Variants in DDX43 observed in about 807,000 individuals in gnomAD.
DDX43 encodes DEAD-box helicase 43.
DDX43 carries 50 observed loss-of-function variants against 84.9 expected under a neutral mutation model. That is an observed-to-expected ratio of 0.59 (90% CI 0.47 to 0.75). DDX43 has a LOEUF of 0.75. Ranked by LOEUF, DDX43 falls within the 30% of genes least tolerant of loss-of-function variation. The probability of loss-of-function intolerance (pLI) is 0.00; values close to 1 mark genes in which losing one functional copy is unlikely to be tolerated. For missense variants in DDX43, 689 were observed against 798.6 expected (o/e 0.86, Z 1.65); for synonymous variants, 291 against 266.3 (o/e 1.09, Z -0.90).
chr6:73,406,138 C>G (rs1384155085), intron 6 of DDX43, among the ~76,000 whole-genome samples: 4 of 152,026 alleles, frequency 2.6e-5, no homozygotes, highest in African/African-American at 9.7e-5. Flanking sequence ...AGTCTCCTGC[C>G]TCAGCCTCCC....
At chr6:73,400,415 G>C (rs753598699) in intron 3 of DDX43, 52 bp downstream of exon 3, 1 of 1,522,712 alleles carries the variant, frequency 6.6e-7, no homozygotes, top group Non-Finnish European at 8.8e-7. Context: ...ATTTCATTCA[G>C]TGTTATAAGC....
chr6:73,413,868 G>C lies in DDX43; in HGVS notation c.1496+83G>C, dbSNP rs912892265. 9 of 1,531,186 alleles carry C rather than the reference G, an allele frequency of 5.9e-6. No homozygotes were observed. In the African/African-American group the frequency reaches 1.2e-4, roughly 21 times the overall value. The allele number at this position is 1,531,186 out of a possible 1,614,324, so 94.8% of individuals were successfully genotyped here. On this transcript the variant is annotated intron_variant, in intron 12 of 16. Transcript: ENST00000370336. ...TATTTGTATACTAATTCCAAATGGG[G>C]GTGATAAGTCTGTTATGTTACTTTA...
In DDX43 at chr6:73,413,951, A is replaced by G. The variant is rs369931476; in HGVS notation, c.1497-19A>G. The G allele has an allele frequency of 3.2e-6, 5 of 1,575,884 alleles. No homozygotes were observed. Among genetic ancestry groups the G allele is most frequent in the Non-Finnish European group, 4.4e-6 (5 of 1,147,756 alleles). On this transcript the variant is annotated intron_variant, in intron 12 of 16. Transcript: ENST00000370336. ...TTAGAATAAGCACCTAAGAATGCTG[A>G]GTTTATCTTTTGCTTCAGTGCGGAT...
At chr6:73,406,503 TTTC>T in intron 7 of DDX43, 21 bp downstream of exon 7, 2 of 1,460,920 alleles carry the variant, frequency 1.4e-6, no homozygotes, top group Admixed American at 1.7e-5. Context: ...CTATGGCTGG[TTTC>T]TTCTTATAGA....
intron 10 of DDX43, among the ~76,000 whole-genome samples, chr6:73,410,360 C>T (rs1255228565): frequency 2.0e-5 from 3 of 152,044 alleles, no homozygotes; most frequent in East Asian, 1.9e-4. Flanking sequence ...GATGGGGTTT[C>T]GCCATGTTGG....
intron 2 of DDX43, chr6:73,398,019 C>T: frequency 4.2e-6 from 1 of 236,388 alleles, no homozygotes. Flanking sequence ...ACCGTGTTGG[C>T]CAGGCTGCTC....
chr6:73,399,626 A>G (rs1227934929), intron 2 of DDX43, among the ~76,000 whole-genome samples: 1 of 152,228 alleles, frequency 6.6e-6, no homozygotes, highest in East Asian at 1.9e-4. Flanking sequence ...AATTTGGTGT[A>G]TAGTATTTTC....
In DDX43 at chr6:73,404,837, G is replaced by A. The variant is rs555723947; in HGVS notation, c.650+66G>A. ...GTTACGTTATTGGTATTAACACTTC[G>A]GGCAAATGTGAAATGATATTTGAAG... On this transcript the variant is annotated intron_variant, in intron 5 of 16. Coordinates refer to ENST00000370336, the MANE Select transcript of DDX43 (RefSeq NM_018665.3). The A allele has an allele frequency of 1.1e-5, 13 of 1,210,778 alleles. No individual in the cohort carries two copies. In the East Asian group the frequency reaches 1.5e-4, roughly 14 times the overall value. 75.0% of individuals were successfully genotyped at this position (1,210,778 alleles called of 1,614,324 possible). A position where few individuals can be genotyped will look rare whatever the true frequency, so the allele number is the denominator to read the frequency against.
At chr6:73,407,432 C>A in intron 7 of DDX43, 73 bp from the exon 8 acceptor site, 1 of 1,067,108 alleles carries the variant, frequency 9.4e-7, no homozygotes, top group South Asian at 1.4e-5. Flanking sequence ...TGCTACAAAT[C>A]TTGATGGTAC....
intron 1 of DDX43, among the ~76,000 whole-genome samples, chr6:73,395,689 T>C (rs965582273): frequency 5.3e-5 from 8 of 151,282 alleles, no homozygotes; most frequent in Non-Finnish European, 8.8e-5. Context: ...GGAGAGCAAC[T>C]CCTAGAAGAC....
At chr6:73,405,422 C>T (rs1769657279) in intron 5 of DDX43, among the ~76,000 whole-genome samples, 1 of 152,190 alleles carries the variant, frequency 6.6e-6, no homozygotes, top group Non-Finnish European at 1.5e-5. Context: ...TTTTCAGGCT[C>T]CTCATCTTTG....
chr6:73,409,120 A>T, intron 9 of DDX43, 128 bp from the exon 10 acceptor site: 1 of 702,594 alleles, frequency 1.4e-6, no homozygotes, highest in Non-Finnish European at 2.5e-6. Flanking sequence ...TGGAGAAATT[A>T]GAATCGTGGC....
At chr6:73,406,992 TATC>T (rs1165824766) in intron 7 of DDX43, 2 of 154,042 alleles carry the variant, frequency 1.3e-5, no homozygotes, top group Non-Finnish European at 2.9e-5. Flanking sequence ...TTCTGTGTAA[TATC>T]AGCCATTTTT....
In DDX43 at chr6:73,407,491, T is replaced by C; in HGVS notation, c.927-14T>C. On this transcript the variant is annotated splice_polypyrimidine_tract_variant and intron_variant, in intron 7 of 16. Transcript: ENST00000370336. ...AGACAAGTAATTTAATATTAATCTGTTTTCTCTCCAAAGCCTTAAAGGTCA... is the reference window on the plus strand; with the variant it reads ...AGACAAGTAATTTAATATTAATCTGCTTTCTCTCCAAAGCCTTAAAGGTCA... The C allele has an allele frequency of 1.9e-6, 3 of 1,541,728 alleles. No individual in the cohort carries two copies. The highest frequency in any genetic ancestry group is 2.7e-6 in the Non-Finnish European group (3 of 1,118,498).
intron 1 of DDX43, among the ~76,000 whole-genome samples, chr6:73,396,624 C>T (rs949849913): frequency 1.3e-5 from 2 of 152,112 alleles, no homozygotes; most frequent in Non-Finnish European, 2.9e-5. Flanking sequence ...AAATGAAATA[C>T]CCTCTTTTAA....
intron 11 of DDX43, among the ~76,000 whole-genome samples, chr6:73,412,541 T>G (rs1031492849): frequency 7.3e-5 from 11 of 151,334 alleles, no homozygotes; most frequent in Admixed American, 5.9e-4. Flanking sequence ...TGTGTGTTTG[T>G]GTCAGAGTCT....
Position 73,405,735 on chromosome 6 carries a change from T to A in DDX43, c.707T>A (p.Ile236Asn), listed in dbSNP as rs1385079583. 6.2e-7 allele frequency: 1 copy of A among 1,614,110 alleles called. No individual in the cohort carries two copies. Among genetic ancestry groups the A allele is most frequent in the South Asian group, 1.1e-5 (1 of 91,082 alleles). The change falls in exon 6 of 17, where the codon ATC becomes AAC. Residue 236 changes from isoleucine to asparagine, a missense_variant. Ile to Asn is a moderately radical substitution (Grantham distance 149). Coordinates refer to ENST00000370336, the MANE Select transcript of DDX43 (RefSeq NM_018665.3). ...DDLKDGEKRPIPNPTCTFDDA... is the reference protein window; with the variant it reads ...DDLKDGEKRPNPNPTCTFDDA... ...TTGAAGGATGGGGAGAAACGACCTA[T>A]CCCCAATCCTACCTGCACATTTGAT...
intron 3 of DDX43, 99 bp from the exon 4 acceptor site, chr6:73,401,760 C>T: frequency 8.6e-7 from 1 of 1,160,250 alleles, no homozygotes; most frequent in Non-Finnish European, 1.2e-6. Context: ...CGAGATCGCG[C>T]CACTGCACTC....
chr6:73,397,382 C>T (rs1039745910), intron 1 of DDX43, among the ~76,000 whole-genome samples: 1 of 152,152 alleles, frequency 6.6e-6, no homozygotes, highest in Admixed American at 6.6e-5. Flanking sequence ...TTTTTCAAAA[C>T]TTATTTGTTG....
Sources: gnomAD v4.1 joint callset for allele counts (sites outside exome capture counted in the v4.1 genomes callset) on GRCh38, gnomAD v4.1.1 for gene constraint, MANE v1.5 for transcripts, NCBI Gene and HGNC (gene_info 2026-07-23, HGNC 2026-07-21) for gene names.